The following FA2H variants were observed in gnomAD, a reference collection of about 807,000 sequenced individuals.
The protein encoded by FA2H is fatty acid 2-hydroxylase, also known as fatty acid alpha-hydroxylase.
In FA2H, 22 loss-of-function variants were observed where a neutral mutation model predicts 44.9. The observed-to-expected ratio is 0.49, with a 90% CI of 0.35 to 0.70. The LOEUF is 0.70. Ranked by LOEUF, FA2H falls within the 30% of genes least tolerant of loss-of-function variation. The probability of loss-of-function intolerance (pLI) is 0.01; values close to 1 mark genes in which losing one functional copy is unlikely to be tolerated. For synonymous variants in FA2H, 243 were observed against 213.2 expected, an observed-to-expected ratio of 1.14 and a Z score of -1.22; for missense variants, 501 against 504.9, an observed-to-expected ratio of 0.99 and a Z score of 0.07.
At chr16:74,727,440 T>C in intron 2 of FA2H, 54 bp from the exon 3 acceptor site, 1 of 1,586,304 alleles carries the variant, frequency 6.3e-7, no homozygotes, top group South Asian at 1.1e-5. Context: ...CCCATATTCG[T>C]TCTCCCATTT....
At chr16:74,756,074 A>T (rs1028609763) in intron 1 of FA2H, among the ~76,000 whole-genome samples, 39 of 152,136 alleles carry the variant, frequency 2.6e-4, no homozygotes, top group Admixed American at 2.4e-3. Flanking sequence ...GGCCAGAGGG[A>T]GAGTAAAGTT....
chr16:74,768,919 T>C (rs1212684363), intron 1 of FA2H, among the ~76,000 whole-genome samples: 2 of 151,922 alleles, frequency 1.3e-5, no homozygotes, highest in Non-Finnish European at 2.9e-5. Context: ...CAGGCTTGCC[T>C]TCTCCCTAAA....
chr16:74,730,860 T>G (rs1962057943), intron 2 of FA2H, among the ~76,000 whole-genome samples: 1 of 152,156 alleles, frequency 6.6e-6, no homozygotes, highest in South Asian at 2.1e-4. Flanking sequence ...CATTTTGCAG[T>G]TGGGGAAACC....
chr16:74,730,632 T>C (rs1476525400), intron 2 of FA2H, among the ~76,000 whole-genome samples: 1 of 152,146 alleles, frequency 6.6e-6, no homozygotes, highest in Non-Finnish European at 1.5e-5. Flanking sequence ...GGCCTGTGTT[T>C]ACACCTTATC....
At chr16:74,719,567 ACTGGAGTG>A (rs1197827005) in intron 4 of FA2H, among the ~76,000 whole-genome samples, 3 of 152,070 alleles carry the variant, frequency 2.0e-5, no homozygotes, top group Non-Finnish European at 4.4e-5. Flanking sequence ...AGGTTGGAAG[ACTGGAGTG>A]CTGGAGTGCT....
rs185721803 is a variant in FA2H at position 74,763,382 on chromosome 16, C to G, written c.270+11104G>C. ...AAGCAATTCTCGTATCTCAGCCTTC[C>G]GAGTAACTGGGATTACAGGCACGCA... On this transcript the variant is annotated intron_variant, in intron 1 of 6. Transcript: ENST00000219368. Among the ~76,000 whole-genome samples the G allele has an allele frequency of 1.4e-4, 21 of 152,146 alleles. No individual in the cohort carries two copies. In the South Asian group the frequency reaches 2.5e-3, roughly 18 times the overall value.
At chr16:74,748,726 A>G (rs1962473763) in intron 1 of FA2H, among the ~76,000 whole-genome samples, 1 of 150,670 alleles carries the variant, frequency 6.6e-6, no homozygotes, top group East Asian at 2.0e-4. Flanking sequence ...CAAACAAACA[A>G]GTCCACCATA....
chr16:74,727,358 A>C lies in FA2H; in HGVS notation c.392T>G (p.Leu131Arg). 6.2e-7 allele frequency: 1 copy of C among 1,614,240 alleles called. No homozygotes were observed. Among genetic ancestry groups the C allele is most frequent in the Non-Finnish European group, 8.5e-7 (1 of 1,180,042 alleles). The stretch of plus-strand genomic sequence containing the variant: ...CTCTCCCAAGTGGCCCACCTGCCAC[A>C]GGAGAGGCTTTCGCCAGTCCACCAG... ...KDLVDWRKPL[L>R]WQVGHLGEKY... The change falls in exon 3 of 7, where the codon CTG becomes CGG. Residue 131 changes from leucine to arginine, a missense_variant. Leu to Arg is a moderately radical substitution (Grantham distance 102). Transcript: ENST00000219368.
chr16:74,750,781 G>GTGTGTGTGTGTGTC (rs1376634373), intron 1 of FA2H, among the ~76,000 whole-genome samples: 1 of 151,214 alleles, frequency 6.6e-6, no homozygotes, highest in South Asian at 2.1e-4. Context: ...GTGTGTGTGT[G>GTGTGTGTGTGTGTC]TGTGTGTGTT....
chr16:74,745,470 G>A lies in FA2H; in HGVS notation c.271-5355C>T, dbSNP rs138342446. Among the ~76,000 whole-genome samples the A allele has an allele frequency of 2.3e-4, 35 of 152,340 alleles. 1 individual carries two copies. The East Asian group carries it at 6.6e-3, about 29-fold the overall frequency. ...CGTGGGGAGGGCAGGCAGGAAAAGA[G>A]CCTTCCATAGCCCACGTCTACTTGG... On this transcript the variant is annotated intron_variant, in intron 1 of 6. Transcript: ENST00000219368.
intron 2 of FA2H, among the ~76,000 whole-genome samples, chr16:74,728,406 G>C (rs1567637928): frequency 6.6e-6 from 1 of 152,316 alleles, no homozygotes; most frequent in East Asian, 1.9e-4. Context: ...GGTAGGCGAG[G>C]AGGGCTTTGC....
chr16:74,718,788 G>A (rs963582738), intron 5 of FA2H, among the ~76,000 whole-genome samples, 200 bp downstream of exon 5: 2 of 152,192 alleles, frequency 1.3e-5, no homozygotes, highest in Non-Finnish European at 1.5e-5. Context: ...TCAGCTTGAT[G>A]CTGCACACCC....
At chr16:74,714,401 C>T in intron 6 of FA2H, 132 bp from the exon 7 acceptor site, 1 of 706,968 alleles carries the variant, frequency 1.4e-6, no homozygotes, top group South Asian at 1.5e-5. Flanking sequence ...CTTCCCAACT[C>T]CCGAGGCCAT....
intron 1 of FA2H, among the ~76,000 whole-genome samples, chr16:74,744,324 G>A (rs1962373074): frequency 6.6e-6 from 1 of 152,050 alleles, no homozygotes; most frequent in African/African-American, 2.4e-5. Context: ...TTATTTAAAA[G>A]GTTCTCCTGG....
intron 4 of FA2H, among the ~76,000 whole-genome samples, chr16:74,721,222 C>T (rs1961829892): frequency 6.6e-6 from 1 of 152,042 alleles, no homozygotes; most frequent in East Asian, 1.9e-4. Context: ...GGCTGGAGTG[C>T]AATGGGACGA....
At chr16:74,725,464 G>A (rs1961932030) in intron 4 of FA2H, among the ~76,000 whole-genome samples, 1 of 152,188 alleles carries the variant, frequency 6.6e-6, no homozygotes. Context: ...CAGTCTCATA[G>A]GCTCTTTAGA....
intron 1 of FA2H, among the ~76,000 whole-genome samples, chr16:74,745,200 G>A (rs1264649941): frequency 6.6e-6 from 1 of 152,218 alleles, no homozygotes; most frequent in Non-Finnish European, 1.5e-5. Flanking sequence ...GCTGTTGAGT[G>A]GCAAGGGGGC....
intron 1 of FA2H, among the ~76,000 whole-genome samples, chr16:74,761,501 C>CTATATATA (rs1962710243): frequency 6.6e-6 from 1 of 151,518 alleles, no homozygotes; most frequent in Non-Finnish European, 1.5e-5. Flanking sequence ...ACGTAGATCA[C>CTATATATA]TATATACACT....
chr16:74,746,058 C>A (rs1962417013), intron 1 of FA2H, among the ~76,000 whole-genome samples: 2 of 151,544 alleles, frequency 1.3e-5, no homozygotes, highest in African/African-American at 4.9e-5. Flanking sequence ...CTGCCCGCCT[C>A]GGCCTCCTTG....
Sources: allele counts gnomAD v4.1 joint callset (sites outside exome capture counted in the v4.1 genomes callset), GRCh38; gene constraint gnomAD v4.1.1; transcripts MANE v1.5; gene names NCBI Gene and HGNC (gene_info 2026-07-23, HGNC 2026-07-21).